Variants in CSMD2 observed in about 807,000 individuals in gnomAD.
CSMD2 encodes CUB and sushi domain-containing protein 2.
Under a neutral mutation model 398.5 loss-of-function variants are expected in CSMD2, and 130 were observed. The ratio of observed to expected loss-of-function variants is 0.33; its 90% CI spans 0.28 to 0.38. CSMD2 has a LOEUF of 0.38. Ranked by LOEUF, CSMD2 falls within the 10% of genes least tolerant of loss-of-function variation. The pLI is 1.00. For missense variants in CSMD2, 3,829 were observed against 4,764.9 expected, an observed-to-expected ratio of 0.80 and a Z score of 5.78; for synonymous variants, 1,828 against 1,908.5, an observed-to-expected ratio of 0.96 and a Z score of 1.10.
chr1:34,096,424 G>C (rs1659312056), intron 1 of CSMD2, among the ~76,000 whole-genome samples: 1 of 151,802 alleles, frequency 6.6e-6, no homozygotes, highest in Admixed American at 6.6e-5. Context: ...AATTAGGCAG[G>C]AGAAGGAAAT....
Position 33,519,201 on chromosome 1 carries a change from A to G in CSMD2, c.*53+264T>C, listed in dbSNP as rs1654022523. 6.6e-6 allele frequency among the ~76,000 whole-genome samples: 1 copy of G among 152,160 alleles called. No individual in the cohort carries two copies. Among genetic ancestry groups the G allele is most frequent in the African/African-American group, 2.4e-5 (1 of 41,416 alleles). On this transcript the variant is annotated intron_variant, in intron 70 of 70. Transcript: ENST00000373381. This position sits in a 1 kb window ranked among gnomAD's most constrained non-coding sequence, Gnocchi z 5.6. ...CTTCTGAGCTGTGTGACCTTGCTCA[A>G]GTTAGTTTCTATGCAGCTCAGTTTT... is the stretch of plus-strand genomic sequence containing the variant.
chr1:33,525,183 G>A, intron 65 of CSMD2, 140 bp from the exon 66 acceptor site: 1 of 867,262 alleles, frequency 1.2e-6, no homozygotes, highest in South Asian at 1.6e-5. Context: ...GTGGTAGAAT[G>A]CTCTGGCCTC....
chr1:33,835,964 C>A (rs1660206312), intron 6 of CSMD2, among the ~76,000 whole-genome samples: 1 of 152,290 alleles, frequency 6.6e-6, no homozygotes, highest in East Asian at 1.9e-4. Flanking sequence ...TTCAGTTTTT[C>A]TGCTCTGTTT....
intron 16 of CSMD2, 127 bp from the exon 17 acceptor site, chr1:33,725,663 T>A: frequency 1.3e-6 from 1 of 751,630 alleles, no homozygotes; most frequent in Non-Finnish European, 2.2e-6. Flanking sequence ...TCTTTTAATA[T>A]AATTTGCACA....
At chr1:33,821,809 C>T (rs1439979574) in intron 7 of CSMD2, among the ~76,000 whole-genome samples, 2 of 152,128 alleles carry the variant, frequency 1.3e-5, no homozygotes, top group African/African-American at 2.4e-5. Flanking sequence ...GAAGGATGCA[C>T]CCGCATGTGA....
intron 2 of CSMD2, among the ~76,000 whole-genome samples, chr1:34,042,673 G>A (rs1460068842): frequency 6.6e-6 from 1 of 152,198 alleles, no homozygotes; most frequent in East Asian, 1.9e-4. Context: ...GAATGACAGA[G>A]ATGGATGGCT....
intron 29 of CSMD2, among the ~76,000 whole-genome samples, chr1:33,644,267 G>C (rs1643288678): frequency 6.6e-6 from 1 of 152,174 alleles, no homozygotes; most frequent in Non-Finnish European, 1.5e-5. Flanking sequence ...GAATTTCCTT[G>C]GAGAAGACCT....
rs150166734 is a variant in CSMD2, at chr1:34,159,649, T to C, written c.187+5262A>G. Among the ~76,000 whole-genome samples the C allele has an allele frequency of 8.5e-5, 13 of 152,340 alleles. No homozygotes were observed. The East Asian group carries it at 1.9e-3, about 23-fold the overall frequency. ...CTCTCTGAACCTGTTTCTTCATCTA[T>C]GAAATGGGAATAATAATACTGCAGG... On this transcript the variant is annotated intron_variant, in intron 1 of 70. Transcript: ENST00000373381.
intron 15 of CSMD2, among the ~76,000 whole-genome samples, chr1:33,735,142 T>G (rs1327390949): frequency 6.6e-6 from 1 of 152,204 alleles, no homozygotes; most frequent in Non-Finnish European, 1.5e-5. Flanking sequence ...GAAACTATAT[T>G]CTCTTCAGTG....
chr1:33,742,581 C>CG lies in CSMD2; in HGVS notation c.2173+698_2173+699insC, dbSNP rs1236833448. Among the ~76,000 whole-genome samples, 91 of 109,492 alleles carry CG rather than the reference C, an allele frequency of 8.3e-4. 2 individuals carry two copies. The highest frequency in any genetic ancestry group is 1.3e-3 in the Non-Finnish European group (76 of 57,192). The allele number at this position is 109,492 out of a possible 152,430, so 71.8% of individuals were successfully genotyped here. A position where few individuals can be genotyped will look rare whatever the true frequency, so the allele number is the denominator to read the frequency against. Reference sequence around the variant, plus strand: ...ATTTCTAGTCACCAAGCTTCTGCCCCCCCCCCCCCAACCCCCTCTGTAACC... The same window carrying CG: ...ATTTCTAGTCACCAAGCTTCTGCCCCGCCCCCCCCCAACCCCCTCTGTAACC... On this transcript the variant is annotated intron_variant, in intron 14 of 70. Transcript: ENST00000373381.
intron 37 of CSMD2, among the ~76,000 whole-genome samples, chr1:33,620,015 C>T (rs1005348004): frequency 1.3e-5 from 2 of 151,760 alleles, no homozygotes; most frequent in African/African-American, 2.4e-5. Context: ...GACAAAAAAG[C>T]GTGGTAGGAA....
intron 2 of CSMD2, among the ~76,000 whole-genome samples, chr1:34,073,817 G>C (rs888279182): frequency 2.6e-5 from 4 of 152,180 alleles, no homozygotes; most frequent in African/African-American, 9.7e-5. Context: ...AAATACCTGA[G>C]ATGGGACAAT....
At chr1:34,125,507 C>CTGTGTGTGTGTGTGTG in intron 1 of CSMD2, among the ~76,000 whole-genome samples, 2 of 141,196 alleles carry the variant, frequency 1.4e-5, no homozygotes, top group Middle Eastern at 3.6e-3. Flanking sequence ...TCAACCTTGG[C>CTGTGTGTGTGTGTGTG]TGTGTGTGTG....
intron 5 of CSMD2, among the ~76,000 whole-genome samples, chr1:33,913,377 A>T (rs1643561909): frequency 6.6e-6 from 1 of 152,138 alleles, no homozygotes; most frequent in Admixed American, 6.5e-5. Context: ...TGCTGGTGAG[A>T]TGCCACTGGG....
At chr1:33,760,853 C>T (rs1330742608) in intron 13 of CSMD2, among the ~76,000 whole-genome samples, 2 of 151,982 alleles carry the variant, frequency 1.3e-5, no homozygotes, top group African/African-American at 4.8e-5. Flanking sequence ...TCTTAATCAG[C>T]CTACTAAGGC....
At chr1:34,052,460 G>C (rs550372313) in intron 2 of CSMD2, among the ~76,000 whole-genome samples, 21 of 150,080 alleles carry the variant, frequency 1.4e-4, no homozygotes, top group East Asian at 2.0e-4. Context: ...ATATCCATGG[G>C]GGGGGGGTCG....
chr1:33,848,317 C>T (rs547965990), intron 5 of CSMD2, among the ~76,000 whole-genome samples: 76 of 152,332 alleles, frequency 5.0e-4, no homozygotes, highest in Non-Finnish European at 9.3e-4. Flanking sequence ...CCCAGATCTT[C>T]TTTCACAATC....
chr1:33,868,106 G>T (rs1368252892), intron 5 of CSMD2, among the ~76,000 whole-genome samples: 2 of 152,182 alleles, frequency 1.3e-5, no homozygotes, highest in African/African-American at 2.4e-5. Context: ...GAAGTTGGGG[G>T]AGCCTGGACC....
chr1:33,827,720 C>T (rs1188627344), intron 6 of CSMD2, among the ~76,000 whole-genome samples: 1 of 152,182 alleles, frequency 6.6e-6, no homozygotes, highest in Non-Finnish European at 1.5e-5. Flanking sequence ...TTTCAACAAC[C>T]TTGACTGGTA....
Sources: allele counts gnomAD v4.1 joint callset (sites outside exome capture counted in the v4.1 genomes callset), GRCh38; gene constraint gnomAD v4.1.1; non-coding constraint Gnocchi (gnomAD v3.1); transcripts MANE v1.5; gene names NCBI Gene and HGNC (gene_info 2026-07-23, HGNC 2026-07-21).